PDE1A: variants seen among roughly 807,000 people sequenced by gnomAD.
The protein encoded by PDE1A is phosphodiesterase 1A, also known as dual specificity calcium/calmodulin-dependent 3',5'-cyclic nucleotide phosphodiesterase 1A.
In PDE1A, 35 loss-of-function variants were observed where a neutral mutation model predicts 61.7. That is an observed-to-expected ratio of 0.57 (90% CI 0.43 to 0.75). The LOEUF (loss-of-function observed/expected upper bound fraction) is 0.75, where lower values mean the gene tolerates loss of function less well. PDE1A is among the 30% of genes least tolerant of loss of function. The pLI is 0.00. For synonymous variants in PDE1A, 232 were observed against 213.2 expected, an observed-to-expected ratio of 1.09 and a Z score of -0.77; for missense variants, 597 against 630.6, an observed-to-expected ratio of 0.95 and a Z score of 0.57.
chr2:182,250,629 C>A (rs2125729035), intron 2 of PDE1A, among the ~76,000 whole-genome samples: 1 of 152,012 alleles, frequency 6.6e-6, no homozygotes, highest in African/African-American at 2.4e-5. Flanking sequence ...CTCCTCGACC[C>A]AACTTTTTTT....
At chr2:182,610,917 G>A in the PDE1A span, among the ~76,000 whole-genome samples, 6 of 152,132 alleles carry the variant, frequency 3.9e-5, no homozygotes, top group East Asian at 1.2e-3. Context: ...TATAACAGTG[G>A]TTACAAAGTA....
chr2:182,441,962 C>T (rs1684825940), intron 2 of PDE1A, among the ~76,000 whole-genome samples: 1 of 151,994 alleles, frequency 6.6e-6, no homozygotes, highest in African/African-American at 2.4e-5. Context: ...TGGAAAACAT[C>T]AACTGATAAA....
At chr2:182,345,989 G>A (rs1168192531) in intron 1 of PDE1A, among the ~76,000 whole-genome samples, 3 of 152,202 alleles carry the variant, frequency 2.0e-5, no homozygotes, top group East Asian at 1.9e-4. Flanking sequence ...GAAGTAACAC[G>A]AGAGTGAGGG....
At chr2:182,431,936 A>T (rs1559457858), upstream of PDE1A, among the ~76,000 whole-genome samples, 1 of 152,086 alleles carries the variant, frequency 6.6e-6, no homozygotes, top group Non-Finnish European at 1.5e-5. Flanking sequence ...TACCTACAAA[A>T]ACACCAGCCC....
At chr2:182,585,591 C>G in the PDE1A span, among the ~76,000 whole-genome samples, 3 of 152,146 alleles carry the variant, frequency 2.0e-5, no homozygotes, top group Non-Finnish European at 4.4e-5. Context: ...TAATCTTACA[C>G]TTTCTATTCC....
chr2:182,488,836 C>A (rs540432288), intron 2 of PDE1A, among the ~76,000 whole-genome samples: 5 of 152,258 alleles, frequency 3.3e-5, no homozygotes, highest in African/African-American at 1.2e-4. Flanking sequence ...TGTATAGATG[C>A]TATTTGTCCA....
the PDE1A span, among the ~76,000 whole-genome samples, chr2:182,568,316 T>G: frequency 2.0e-5 from 3 of 152,234 alleles, no homozygotes; most frequent in Admixed American, 6.5e-5. Context: ...TAGCTGTTAT[T>G]AAAACTTTGA....
At chr2:182,417,975 T>C (rs963275442) in intron 1 of PDE1A, among the ~76,000 whole-genome samples, 1 of 152,164 alleles carries the variant, frequency 6.6e-6, no homozygotes, top group East Asian at 1.9e-4. Context: ...TTACCTATTA[T>C]AGTGGTGTTT....
chr2:182,659,924 C>A, the PDE1A span, among the ~76,000 whole-genome samples: 2 of 152,304 alleles, frequency 1.3e-5, no homozygotes, highest in South Asian at 4.1e-4. Flanking sequence ...TTTGTAAACA[C>A]TCTAACATAT....
the PDE1A span, among the ~76,000 whole-genome samples, chr2:182,700,730 A>G: frequency 7.0e-6 from 1 of 143,856 alleles, no homozygotes; most frequent in East Asian, 2.0e-4. Context: ...TCAAAAAAAA[A>G]AAAAAAAAAA....
At chr2:182,476,087 G>A (rs976344723) in intron 2 of PDE1A, among the ~76,000 whole-genome samples, 7 of 151,884 alleles carry the variant, frequency 4.6e-5, no homozygotes, top group African/African-American at 1.4e-4. Flanking sequence ...TTTTAAAAGG[G>A]TTATTTTTAT....
chr2:182,359,642 T>C lies in PDE1A; in HGVS notation c.53+66936A>G, dbSNP rs115898645. On this transcript the variant is annotated intron_variant, in intron 1 of 13. Transcript: ENST00000351439. ...TTTTTGTTTGACATCCACATCAGTA[T>C]AGTAAATGAGTAGTTAAGATCTGTA... Among the ~76,000 whole-genome samples the C allele has an allele frequency of 3.3e-3, 498 of 152,246 alleles. 5 individuals carry two copies. Among genetic ancestry groups the C allele is most frequent in the African/African-American group, 0.012 (480 of 41,560 alleles).
intron 2 of PDE1A, among the ~76,000 whole-genome samples, chr2:182,435,281 G>C (rs1676972385): frequency 6.6e-6 from 1 of 151,980 alleles, no homozygotes; most frequent in Non-Finnish European, 1.5e-5. Context: ...GGTAGTTAAA[G>C]GAACATTGCA....
intron 1 of PDE1A, among the ~76,000 whole-genome samples, chr2:182,280,198 A>T (rs1176622548): frequency 6.6e-6 from 1 of 151,798 alleles, no homozygotes; most frequent in Non-Finnish European, 1.5e-5. Flanking sequence ...TATGTTCTGA[A>T]TGTCTATCCA....
chr2:182,358,512 G>A (rs1030590710), intron 1 of PDE1A, among the ~76,000 whole-genome samples: 5 of 152,010 alleles, frequency 3.3e-5, no homozygotes, highest in East Asian at 1.9e-4. Context: ...CCTAGACACC[G>A]TGTTTTTCTC....
the PDE1A span, among the ~76,000 whole-genome samples, chr2:182,564,565 C>A: frequency 6.6e-6 from 1 of 152,016 alleles, no homozygotes; most frequent in Non-Finnish European, 1.5e-5. Flanking sequence ...ATCTTTGTGG[C>A]GTTCTCTGTA....
At position 182,326,838 on chromosome 2, in the gene PDE1A, G is replaced by T. The variant is rs548187164; in HGVS notation, c.54-62424C>A. On this transcript the variant is annotated intron_variant, in intron 1 of 13. Transcript: ENST00000351439. ...GATTAGGATCAGAGACTGGAGGGAG[G>T]CACACACATTACCTTTTTCTGAATA... 9.7e-4 allele frequency among the ~76,000 whole-genome samples: 147 copies of T among 152,260 alleles called. 1 individual carries two copies. Among genetic ancestry groups the T allele is most frequent in the African/African-American group, 3.2e-3 (134 of 41,552 alleles).
chr2:182,658,391 T>G, the PDE1A span, among the ~76,000 whole-genome samples: 11 of 152,366 alleles, frequency 7.2e-5, no homozygotes, highest in African/African-American at 2.6e-4. Flanking sequence ...CATATGGCCT[T>G]ATTAGAAGGA....
chr2:182,528,610 A>C, the PDE1A span, among the ~76,000 whole-genome samples: 1 of 152,208 alleles, frequency 6.6e-6, no homozygotes, highest in Non-Finnish European at 1.5e-5. Context: ...CACCAAGACA[A>C]TGGGGGAAAT....
Sources: allele counts gnomAD v4.1 joint callset (sites outside exome capture counted in the v4.1 genomes callset), GRCh38; gene constraint gnomAD v4.1.1; transcripts MANE v1.5; gene names NCBI Gene and HGNC (gene_info 2026-07-23, HGNC 2026-07-21).